The following MICALL2 variants were observed in gnomAD, a reference collection of about 807,000 sequenced individuals.
MICALL2 encodes the protein MICAL like 2, also known as MICAL-like protein 2.
MICALL2 carries 111 observed loss-of-function variants against 91.1 expected under a neutral mutation model. The observed-to-expected ratio is 1.22, with a 90% confidence interval of 1.04 to 1.43. The LOEUF (loss-of-function observed/expected upper bound fraction) is 1.43. MICALL2 is among the 40% of genes most tolerant of loss of function. The pLI is 0.00. For missense variants in MICALL2, 1,556 were observed against 1,236.0 expected, an observed-to-expected ratio of 1.26 and a Z score of -3.88; for synonymous variants, 694 against 525.3, an observed-to-expected ratio of 1.32 and a Z score of -4.39.
intron 6 of MICALL2, among the ~76,000 whole-genome samples, chr7:1,442,971 A>T (rs891194191): frequency 6.6e-6 from 1 of 152,070 alleles, no homozygotes; most frequent in Non-Finnish European, 1.5e-5. Context: ...GCCAGACACA[A>T]GGCCTCCGTG....
At chr7:1,439,273 C>G in intron 9 of MICALL2, 1 of 463,456 alleles carries the variant, frequency 2.2e-6, no homozygotes, top group Non-Finnish European at 3.9e-6. Flanking sequence ...GCTATGAGTG[C>G]TAGGAATACA....
rs1375705824 is a variant in MICALL2, at chr7:1,452,381, G to A, written c.144-2093C>T. 1.3e-5 allele frequency among the ~76,000 whole-genome samples: 2 copies of A among 152,156 alleles called. No homozygotes were observed. The highest frequency in any genetic ancestry group is 3.9e-4 in the East Asian group (2 of 5,148). On this transcript the variant is annotated intron_variant, in intron 1 of 16. Transcript: ENST00000297508. This position sits in a 1 kb window ranked among gnomAD's most constrained non-coding sequence, Gnocchi z 6.2. Reference sequence around the variant, plus strand: ...CCCAGGGACTCTGCAGCCATGCTGGGCGTCAGCCTCAGCCCCCAGGGCTTA... The same window carrying A: ...CCCAGGGACTCTGCAGCCATGCTGGACGTCAGCCTCAGCCCCCAGGGCTTA...
At chr7:1,442,136 G>A (rs1289576984) in intron 7 of MICALL2, 56 bp downstream of exon 7, 3 of 1,580,924 alleles carry the variant, frequency 1.9e-6, no homozygotes, top group East Asian at 2.2e-5. Flanking sequence ...GCGGCCAGGG[G>A]AGAGTCCCAG....
At chr7:1,444,053 C>T (rs1465485511) in intron 6 of MICALL2, among the ~76,000 whole-genome samples, 1 of 134,802 alleles carries the variant, frequency 7.4e-6, no homozygotes, top group African/African-American at 2.8e-5. Flanking sequence ...GACCCGCCAG[C>T]GTGGGTCCCG....
intron 7 of MICALL2, chr7:1,440,962 A>T: frequency 2.2e-6 from 1 of 456,056 alleles, no homozygotes; most frequent in Non-Finnish European, 4.1e-6. Flanking sequence ...TGGCAGGGTG[A>T]GCCCCGTGGA....
chr7:1,447,005 C>A (rs1780629422), intron 4 of MICALL2, among the ~76,000 whole-genome samples, 177 bp from the exon 5 acceptor site: 1 of 152,140 alleles, frequency 6.6e-6, no homozygotes, highest in Non-Finnish European at 1.5e-5. Flanking sequence ...CAGTCCAGGG[C>A]CTCTAGCCCA....
At chr7:1,454,881 G>A (rs149375127) in intron 1 of MICALL2, among the ~76,000 whole-genome samples, 338 of 152,244 alleles carry the variant, frequency 2.2e-3, no homozygotes, top group African/African-American at 7.5e-3. Context: ...ACTGCACAGC[G>A]GCCGCCCCAG....
chr7:1,445,169 G>A lies in MICALL2; in HGVS notation c.901C>T (p.Pro301Ser). The change falls in exon 6 of 17, where the codon CCA (proline) becomes TCA (serine). Residue 301 changes from proline to serine, a missense_variant. Coordinates refer to ENST00000297508, the MANE Select transcript of MICALL2 (RefSeq NM_182924.4). ...GTGGCTGCAGGGTTGGGTGCAGCTG[G>A]AACGGAAGCCCTGGCAGGCGAGTTG... ...AGNSPARASV[P>S]AAPNPAATSA... The A allele has an allele frequency of 1.3e-6, 2 of 1,583,234 alleles. No individual in the cohort carries two copies. The highest frequency in any genetic ancestry group is 1.7e-6 in the Non-Finnish European group (2 of 1,165,798).
intron 7 of MICALL2, 149 bp downstream of exon 7, chr7:1,442,043 G>T: frequency 1.1e-6 from 1 of 900,932 alleles, no homozygotes; most frequent in Admixed American, 2.2e-5. Context: ...CCAGGAGGCT[G>T]CGAGCAGGTG....
rs201358760 is a variant in MICALL2 at position 1,444,644 on chromosome 7, G to A, written c.1418+8C>T. On this transcript the variant is annotated splice_region_variant and intron_variant, in intron 6 of 16. Transcript: ENST00000297508. ...ATACCCGGGGTCCCTCGGTCCCCAC[G>A]CGCTCACCTGCCAGGCGCCGGAGCG... The A allele has an allele frequency of 5.2e-5, 84 of 1,606,404 alleles. 1 individual carries two copies. The highest frequency in any genetic ancestry group is 2.6e-4 in the South Asian group (24 of 90,830).
rs768329381 is a variant in MICALL2, at chr7:1,439,117, C to T, written c.1967-122G>A. On this transcript the variant is annotated intron_variant, in intron 9 of 16. Coordinates refer to ENST00000297508, the MANE Select transcript of MICALL2 (RefSeq NM_182924.4). ...GGCCATCCCCATGCCCTGGGCCTCCCGACTGGCACAGGGTTGGCATCACAA... is the reference window on the plus strand; with the variant it reads ...GGCCATCCCCATGCCCTGGGCCTCCTGACTGGCACAGGGTTGGCATCACAA... The T allele has an allele frequency of 9.7e-4, 745 of 770,052 alleles. 5 individuals carry two copies. Among genetic ancestry groups the T allele is most frequent in the Middle Eastern group, 3.8e-4 (1 of 2,636 alleles). 47.7% of individuals were successfully genotyped at this position (770,052 alleles called of 1,614,324 possible).
At chr7:1,453,491 G>A (rs1396626471) in intron 1 of MICALL2, among the ~76,000 whole-genome samples, 4 of 152,130 alleles carry the variant, frequency 2.6e-5, no homozygotes, top group Non-Finnish European at 4.4e-5. Context: ...GCAGAACTGC[G>A]GGAGGACACT....
chr7:1,454,395 C>T (rs1235134364), intron 1 of MICALL2, among the ~76,000 whole-genome samples: 2 of 127,418 alleles, frequency 1.6e-5, no homozygotes, highest in East Asian at 5.3e-4. Context: ...AGAGGGGACT[C>T]GGGGAAGGAG....
At chr7:1,440,553 G>A (rs1336955378) in intron 8 of MICALL2, 38 bp downstream of exon 8, 2 of 1,549,072 alleles carry the variant, frequency 1.3e-6, no homozygotes, top group African/African-American at 1.4e-5. Context: ...AGCACCTATG[G>A]TGTACCAGGC....
At chr7:1,439,418 T>C (rs1780154239) in intron 9 of MICALL2, 1 of 216,526 alleles carries the variant, frequency 4.6e-6, no homozygotes, top group Admixed American at 5.6e-5. Flanking sequence ...TGCACACACA[T>C]GCATCACACA....
chr7:1,444,298 G>C (rs1237013020), intron 6 of MICALL2, among the ~76,000 whole-genome samples: 2 of 151,562 alleles, frequency 1.3e-5, no homozygotes, highest in Non-Finnish European at 2.9e-5. Flanking sequence ...GCCAGCGTGG[G>C]TCCCGCTCGC....
chr7:1,445,240 T>C lies in MICALL2; in HGVS notation c.830A>G (p.Gln277Arg), dbSNP rs369938095. 142 of 1,611,944 alleles carry C rather than the reference T, an allele frequency of 8.8e-5. 2 individuals are homozygous for C. The highest frequency in any genetic ancestry group is 4.9e-4 in the East Asian group (22 of 44,858). Residue 277 changes from glutamine (Q) to arginine (R), a missense_variant, in exon 6 of 17, where the codon CAG becomes CGG. Gln to Arg is a conservative substitution (Grantham distance 43, BLOSUM62 1). Coordinates refer to ENST00000297508, the MANE Select transcript of MICALL2 (RefSeq NM_182924.4). ...SRTSCSPQKA[Q>R]EANKARPSAW... Reference sequence around the variant, plus strand: ...CGACGGTCTGGCCTTGTTTGCCTCCTGGGCCTTCTGTGGGGAACAGGAGGT... The same window carrying C: ...CGACGGTCTGGCCTTGTTTGCCTCCCGGGCCTTCTGTGGGGAACAGGAGGT...
At chr7:1,454,415 G>A (rs1450824737) in intron 1 of MICALL2, among the ~76,000 whole-genome samples, 4 of 148,234 alleles carry the variant, frequency 2.7e-5, no homozygotes, top group Non-Finnish European at 6.0e-5. Flanking sequence ...GCAAACCTCA[G>A]AGACAGCGAG....
rs1356550536 is a variant in MICALL2 at position 1,450,240 on chromosome 7, CAGTT to C, written c.188_191del (p.Lys63ArgfsTer24). 1.2e-6 allele frequency: 2 copies of C among 1,612,302 alleles called. No homozygotes were observed. The highest frequency in any genetic ancestry group is 1.7e-6 in the Non-Finnish European group (2 of 1,179,700). The stretch of plus-strand genomic sequence containing the variant: ...TGAGGCCGGGGCGGGGGCCACTCAC[CAGTT>C]TATTGTTTTCATAAATATTTTCCTT... On this transcript the variant is annotated frameshift_variant and splice_region_variant, in exon 2 of 17. Coordinates refer to ENST00000297508, the MANE Select transcript of MICALL2 (RefSeq NM_182924.4). LOFTEE classifies it high-confidence loss of function.
Sources: gnomAD v4.1 joint callset for allele counts (sites outside exome capture counted in the v4.1 genomes callset) on GRCh38, gnomAD v4.1.1 for gene constraint, Gnocchi (gnomAD v3.1) non-coding constraint, MANE v1.5 for transcripts, NCBI Gene and HGNC (gene_info 2026-07-23, HGNC 2026-07-21) for gene names.